The following ZNF704 variants were observed in gnomAD, a reference collection of about 807,000 sequenced individuals.
ZNF704 encodes the protein glucocorticoid induced gene 1.
ZNF704 carries 10 observed loss-of-function variants against 44.7 expected under a neutral mutation model. That is an observed-to-expected ratio of 0.22 (90% CI 0.14 to 0.38). The LOEUF (loss-of-function observed/expected upper bound fraction) is 0.38. Ranked by LOEUF, ZNF704 falls within the 10% of genes least tolerant of loss-of-function variation. The probability of loss-of-function intolerance (pLI) is 1.00; values close to 1 mark genes in which losing one functional copy is unlikely to be tolerated. For missense variants in ZNF704, 390 were observed against 545.5 expected (o/e 0.71, Z 2.84); for synonymous variants, 211 against 207.6 (o/e 1.02, Z -0.14).
chr8:80,678,918 T>C (rs561587008), intron 4 of ZNF704, among the ~76,000 whole-genome samples: 23 of 152,216 alleles, frequency 1.5e-4, no homozygotes, highest in Non-Finnish European at 4.4e-5. Flanking sequence ...GCAGGAGAGA[T>C]TGGAAAGCAG....
chr8:80,852,184 T>G (rs938003825), intron 1 of ZNF704, among the ~76,000 whole-genome samples: 3 of 152,156 alleles, frequency 2.0e-5, no homozygotes, highest in Non-Finnish European at 4.4e-5. Context: ...TCTTGGACCT[T>G]TAAAATCTGC....
At chr8:80,728,364 A>G (rs1003071728) in intron 2 of ZNF704, among the ~76,000 whole-genome samples, 5 of 152,198 alleles carry the variant, frequency 3.3e-5, no homozygotes, top group African/African-American at 1.2e-4. Flanking sequence ...GCAATGTTTA[A>G]TAACTCAAAA....
At chr8:80,779,963 A>G (rs1807489524) in intron 2 of ZNF704, among the ~76,000 whole-genome samples, 1 of 151,972 alleles carries the variant, frequency 6.6e-6, no homozygotes, top group Admixed American at 6.6e-5. Context: ...AGGCTCAGAG[A>G]TTCATCCCTA....
chr8:80,770,422 T>A (rs1273255932), intron 2 of ZNF704, among the ~76,000 whole-genome samples: 1 of 152,198 alleles, frequency 6.6e-6, no homozygotes, highest in East Asian at 1.9e-4. Flanking sequence ...TGGTTTTAAT[T>A]TGTATTTCCC....
At chr8:80,873,380 C>T (rs967211903) in intron 1 of ZNF704, among the ~76,000 whole-genome samples, 1 of 152,040 alleles carries the variant, frequency 6.6e-6, no homozygotes, top group Non-Finnish European at 1.5e-5. Context: ...CAGTTCCTCG[C>T]GCTGCCCCGC....
chr8:80,851,433 G>A (rs1228350972), intron 1 of ZNF704, among the ~76,000 whole-genome samples: 3 of 152,136 alleles, frequency 2.0e-5, no homozygotes, highest in Non-Finnish European at 4.4e-5. Flanking sequence ...GGACATGGAT[G>A]AAACTGGAAA....
chr8:80,763,550 G>A (rs1254088298), intron 2 of ZNF704, among the ~76,000 whole-genome samples: 1 of 152,170 alleles, frequency 6.6e-6, no homozygotes, highest in Non-Finnish European at 1.5e-5. Context: ...ACAGCAGGGG[G>A]TCCTGGACCT....
chr8:80,660,986 ACAAT>A (rs1263959943), intron 6 of ZNF704, among the ~76,000 whole-genome samples: 1 of 152,246 alleles, frequency 6.6e-6, no homozygotes, highest in Non-Finnish European at 1.5e-5. Context: ...GGCACAAGAA[ACAAT>A]CAACAGCGTG....
rs969582916 is a variant in ZNF704 at position 80,633,191 on chromosome 8, T to C, written c.*8175A>G. On this transcript the variant is annotated 3_prime_UTR_variant, in exon 9 of 9. Coordinates refer to ENST00000327835, the MANE Select transcript of ZNF704 (RefSeq NM_001033723.3). ...TTCCAACTCTGAGTTTACAGTATGT[T>C]TTGATTTGATCATTACAGATTATAA... The C allele has an allele frequency of 5.9e-5, 9 of 151,836 alleles. No homozygotes were observed. Among genetic ancestry groups the C allele is most frequent in the African/African-American group, 2.2e-4 (9 of 41,426 alleles). 9.4% of individuals were successfully genotyped at this position (151,836 alleles called of 1,614,324 possible).
intron 2 of ZNF704, among the ~76,000 whole-genome samples, chr8:80,703,486 G>A (rs1009855187): frequency 6.6e-6 from 1 of 152,058 alleles, no homozygotes. Context: ...TTTTGTTTTT[G>A]TTTGTTGAGG....
intron 2 of ZNF704, among the ~76,000 whole-genome samples, chr8:80,797,947 C>T (rs1008521273): frequency 2.0e-5 from 3 of 152,134 alleles, no homozygotes; most frequent in African/African-American, 4.8e-5. Flanking sequence ...TTTTCCCTCT[C>T]ACAGCTTAAT....
rs73693878 is a variant in ZNF704 at position 80,729,478 on chromosome 8, G to A, written c.222-36371C>T. On this transcript the variant is annotated intron_variant, in intron 2 of 8. Transcript: ENST00000327835. Reference sequence around the variant, plus strand: ...CAGAAGGAGCTCAATAATGGGAAGGGTATGAGGACTAAGAACAGGGACCTA... The same window carrying A: ...CAGAAGGAGCTCAATAATGGGAAGGATATGAGGACTAAGAACAGGGACCTA... Among the ~76,000 whole-genome samples the A allele has an allele frequency of 3.0e-3, 460 of 152,178 alleles. 6 individuals carry two copies. The highest frequency in any genetic ancestry group is 0.011 in the African/African-American group (448 of 41,492).
chr8:80,817,641 A>G (rs962410330), intron 2 of ZNF704, among the ~76,000 whole-genome samples: 1 of 152,180 alleles, frequency 6.6e-6, no homozygotes, highest in Non-Finnish European at 1.5e-5. Flanking sequence ...ACTTAAATTT[A>G]TATTTTTCTG....
chr8:80,822,729 G>A (rs1248264955), intron 1 of ZNF704, among the ~76,000 whole-genome samples: 1 of 152,074 alleles, frequency 6.6e-6, no homozygotes, highest in African/African-American at 2.4e-5. Context: ...ACTTTTTAAT[G>A]ATTGCCATTC....
intron 1 of ZNF704, among the ~76,000 whole-genome samples, chr8:80,870,596 T>C (rs903842419): frequency 6.6e-6 from 1 of 152,218 alleles, no homozygotes. Context: ...CTTGGCTTAT[T>C]GGACTTTAGA....
At chr8:80,825,021 G>C (rs1325429622) in intron 1 of ZNF704, among the ~76,000 whole-genome samples, 11 of 152,164 alleles carry the variant, frequency 7.2e-5, no homozygotes, top group Admixed American at 7.2e-4. Context: ...ATCAACTAAT[G>C]AGCAAAATAA....
At position 80,640,531 on chromosome 8, in the gene ZNF704, TG is replaced by T. The variant is rs1014975570; in HGVS notation, c.*834del. ...AAAGAAGCATCGAGGCTTACCCAGA[TG>T]GCTACAGGTGCCAATTCTTGACTGA... On this transcript the variant is annotated 3_prime_UTR_variant, in exon 9 of 9. Coordinates refer to ENST00000327835, the MANE Select transcript of ZNF704 (RefSeq NM_001033723.3). 3 of 152,342 alleles carry T rather than the reference TG, an allele frequency of 2.0e-5. No individual in the cohort carries two copies. The highest frequency in any genetic ancestry group is 7.2e-5 in the African/African-American group (3 of 41,574). 9.4% of individuals were successfully genotyped at this position (152,342 alleles called of 1,614,324 possible).
At chr8:80,722,750 CA>C (rs1806394420) in intron 2 of ZNF704, among the ~76,000 whole-genome samples, 1 of 152,180 alleles carries the variant, frequency 6.6e-6, no homozygotes, top group African/African-American at 2.4e-5. Flanking sequence ...CTCTCTCCTA[CA>C]AGTGATCGGA....
At chr8:80,832,072 G>C (rs1021950403) in intron 1 of ZNF704, among the ~76,000 whole-genome samples, 1 of 152,254 alleles carries the variant, frequency 6.6e-6, no homozygotes, top group African/African-American at 2.4e-5. Flanking sequence ...AAGCTTCAAT[G>C]TTCAATTATA....
Sources: allele counts gnomAD v4.1 joint callset (sites outside exome capture counted in the v4.1 genomes callset), GRCh38; gene constraint gnomAD v4.1.1; transcripts MANE v1.5; gene names NCBI Gene and HGNC (gene_info 2026-07-23, HGNC 2026-07-21).